The following KRT39 variants were observed in gnomAD, a reference collection of about 807,000 sequenced individuals.
The protein encoded by KRT39 is keratin, type I cytoskeletal 39.
In KRT39, 47 loss-of-function variants were observed where a neutral mutation model predicts 54.8. The ratio of observed to expected loss-of-function variants is 0.86; its 90% CI spans 0.68 to 1.09. KRT39 has a LOEUF of 1.09. Ranked by LOEUF, KRT39 falls within the 50% of genes least tolerant of loss-of-function variation. The pLI, the probability that KRT39 is intolerant of heterozygous loss-of-function variation, is 0.00. For missense variants in KRT39, 580 were observed against 598.5 expected, an observed-to-expected ratio of 0.97 and a Z score of 0.32; for synonymous variants, 207 against 227.9, an observed-to-expected ratio of 0.91 and a Z score of 0.83.
In KRT39 at chr17:40,962,415, C is replaced by G. The variant is rs1407809793; in HGVS notation, c.857G>C (p.Trp286Ser). ...TATATCCCCCACCTGCGTGTTGAAC[C>G]ACTGTTCCACATCTTTGCGGTTTGT... is the stretch of plus-strand genomic sequence containing the variant. ...METNRKDVEQ[W>S]FNTQIEELNQ... The change falls in exon 4 of 7, where the codon TGG becomes TCG. Residue 286 changes from tryptophan (W) to serine (S), a missense_variant. Physicochemically the swap from Trp to Ser is radical, Grantham distance 177. Transcript: ENST00000355612. 1 of 1,613,854 alleles carries G rather than the reference C, an allele frequency of 6.2e-7. No individual in the cohort carries two copies. The highest frequency in any genetic ancestry group is 1.3e-5 in the African/African-American group (1 of 74,904).
At chr17:40,962,362 A>G in intron 4 of KRT39, 40 bp downstream of exon 4, 2 of 1,612,298 alleles carry the variant, frequency 1.2e-6, no homozygotes, top group Non-Finnish European at 1.7e-6. Flanking sequence ...CTAGAAATGC[A>G]GCATCAGCTT....
intron 2 of KRT39, among the ~76,000 whole-genome samples, 153 bp from the exon 3 acceptor site, chr17:40,963,936 T>C (rs540261080): frequency 6.6e-6 from 1 of 152,388 alleles, no homozygotes; most frequent in South Asian, 2.1e-4. Context: ...CCATTTGATA[T>C]AGATCATAAC....
At chr17:40,966,092 T>C (rs1911382431) in intron 1 of KRT39, among the ~76,000 whole-genome samples, 1 of 149,596 alleles carries the variant, frequency 6.7e-6, no homozygotes, top group Non-Finnish European at 1.5e-5. Context: ...TGTGTGTGTG[T>C]AAGGATGGAA....
intron 5 of KRT39, among the ~76,000 whole-genome samples, chr17:40,961,907 C>T (rs1157999555): frequency 2.0e-5 from 3 of 152,238 alleles, no homozygotes; most frequent in Non-Finnish European, 4.4e-5. Context: ...TGCTGAATAC[C>T]ATATACCCCC....
rs200782041 is a variant in KRT39 at position 40,962,553 on chromosome 17, G to T, written c.719C>A (p.Ser240Tyr). 2.2e-5 allele frequency: 35 copies of T among 1,611,394 alleles called. No homozygotes were observed. The African/African-American group carries it at 3.2e-4, about 15-fold the overall frequency. Residue 240 changes from serine (S) to tyrosine (Y), a missense_variant, in exon 4 of 7, where the codon TCT becomes TAT. Coordinates refer to ENST00000355612, the MANE Select transcript of KRT39 (RefSeq NM_213656.4). The stretch of plus-strand genomic sequence containing the variant: ...TCTCTCCCCAAGCTGACACTGTAAA[G>T]AATTGATTTCCTAAGGAAAGAAAAA... ...LKNNHKEEIN[S>Y]LQCQLGERLD...
At chr17:40,966,279 A>C (rs555156378) in intron 1 of KRT39, 110 bp downstream of exon 1, 32 of 848,584 alleles carry the variant, frequency 3.8e-5, no homozygotes, top group Admixed American at 1.3e-4. Flanking sequence ...TCTATTCTTC[A>C]AAAAAATTTT....
Position 40,966,368 on chromosome 17 carries a change from A to G in KRT39, c.468+21T>C, listed in dbSNP as rs1245868978. On this transcript the variant is annotated intron_variant, in intron 1 of 6. Transcript: ENST00000355612. ...AACCATTAATTCACAACACGATTAA[A>G]CAGGTTCTTAGGAATCTTACCTTCT... 3.9e-6 allele frequency: 6 copies of G among 1,526,556 alleles called. No individual in the cohort carries two copies. In the Admixed American group the frequency reaches 6.8e-5, roughly 17 times the overall value. The allele number at this position is 1,526,556 out of a possible 1,614,324, so 94.6% of individuals were successfully genotyped here.
rs1283407559 is a variant in KRT39 at position 40,964,582 on chromosome 17, TTAAGAACCAA to T, written c.469-64_469-55del. The T allele has an allele frequency of 3.9e-6, 5 of 1,278,134 alleles. No homozygotes were observed. In the African/African-American group the frequency reaches 7.3e-5, roughly 19 times the overall value. 79.2% of individuals were successfully genotyped at this position (1,278,134 alleles called of 1,614,324 possible). A position where few individuals can be genotyped will look rare whatever the true frequency, so the allele number is the denominator to read the frequency against. On this transcript the variant is annotated intron_variant, in intron 1 of 6. Coordinates refer to ENST00000355612, the MANE Select transcript of KRT39 (RefSeq NM_213656.4). Reference sequence around the variant, plus strand: ...GAAGCAAACACCAAGATTTCCTTCTTTAAGAACCAAGGGGTTTGTGTGTGTGTCAAGTAAC... The same window carrying T: ...GAAGCAAACACCAAGATTTCCTTCTTGGGGTTTGTGTGTGTGTCAAGTAAC...
At position 40,960,458 on chromosome 17, in the gene KRT39, T is replaced by A. The variant is rs1230937752; in HGVS notation, c.1040A>T (p.Tyr347Phe). 1 of 1,614,086 alleles carries A rather than the reference T, an allele frequency of 6.2e-7. No individual in the cohort carries two copies. The highest frequency in any genetic ancestry group is 1.3e-5 in the African/African-American group (1 of 75,022). The change falls in exon 6 of 7, where the codon TAC becomes TTC. Residue 347 changes from tyrosine (Y) to phenylalanine (F), a missense_variant. Coordinates refer to ENST00000355612, the MANE Select transcript of KRT39 (RefSeq NM_213656.4). ...CTGGATCTGGGTCAGCAAGGCCGTG[T>A]AGCGAGCCTCTGTCTCCGTTAGGAT... ...ECILTETEAR[Y>F]TALLTQIQSL...
At chr17:40,964,085 C>T (rs1476353539) in intron 2 of KRT39, 7 of 428,864 alleles carry the variant, frequency 1.6e-5, no homozygotes, top group Non-Finnish European at 2.9e-5. Context: ...GCTCAGAAAA[C>T]ATGTGTCCAA....
At chr17:40,960,217 G>A (rs942468532) in intron 6 of KRT39, 64 bp downstream of exon 6, 1 of 1,426,078 alleles carries the variant, frequency 7.0e-7, no homozygotes, top group Non-Finnish European at 9.8e-7. Flanking sequence ...GTTGCCAGTG[G>A]CAGTACATAT....
At chr17:40,962,587 A>G in intron 3 of KRT39, 24 bp from the exon 4 acceptor site, 3 of 1,605,318 alleles carry the variant, frequency 1.9e-6, no homozygotes, top group Non-Finnish European at 2.6e-6. Flanking sequence ...AAGACTGTGA[A>G]GTCACTTGGT....
chr17:40,966,335 T>C, intron 1 of KRT39, 54 bp downstream of exon 1: 11 of 1,363,872 alleles, frequency 8.1e-6, no homozygotes, highest in Non-Finnish European at 9.2e-6. Flanking sequence ...AAATAACTGT[T>C]GCTTGGAAAC....
In KRT39 at chr17:40,966,710, G is replaced by A. The variant is rs1164839473; in HGVS notation, c.147C>T (p.His49=). ...LTVNNCQPAG[H]VLRIPWDQGC... is the part of the protein sequence containing the mutation. ...CCTGGTCCCAGGGAATTCTGAGAAC[G>A]TGGCCAGCTGGTTGACAGTTGTTGA... is the stretch of plus-strand genomic sequence containing the variant. The change falls in exon 1 of 7, where the codon CAC becomes CAT. Residue 49 remains histidine (H), a synonymous_variant. Transcript: ENST00000355612. 4 of 1,614,218 alleles carry A rather than the reference G, an allele frequency of 2.5e-6. No individual in the cohort carries two copies. Among genetic ancestry groups the A allele is most frequent in the Admixed American group, 1.7e-5 (1 of 60,024 alleles).
rs759836342 is a variant in KRT39, at chr17:40,966,748, C to T, written c.109G>A (p.Gly37Ser). 3.7e-6 allele frequency: 6 copies of T among 1,614,148 alleles called. No homozygotes were observed. Among genetic ancestry groups the T allele is most frequent in the Non-Finnish European group, 5.1e-6 (6 of 1,180,004 alleles). ...TGACAGTTGTTGACTGTAAGGCCAC[C>T]AGGATGGCAGCCGTTGTTAGAAGAG... ...TISSNNGCHP[G>S]GLTVNNCQPA... is the part of the protein sequence containing the mutation. The change falls in exon 1 of 7, where the codon GGT becomes AGT. Residue 37 changes from glycine to serine, a missense_variant. Coordinates refer to ENST00000355612, the MANE Select transcript of KRT39 (RefSeq NM_213656.4).
chr17:40,964,627 C>G, intron 1 of KRT39, 99 bp from the exon 2 acceptor site: 1 of 786,108 alleles, frequency 1.3e-6, no homozygotes, highest in South Asian at 1.5e-5. Context: ...CAGGGGAAGG[C>G]TAAGTAGACT....
chr17:40,963,488 C>A, intron 3 of KRT39, 139 bp downstream of exon 3: 1 of 725,408 alleles, frequency 1.4e-6, no homozygotes, highest in Non-Finnish European at 2.1e-6. Flanking sequence ...TATAAATTAC[C>A]TACTCTCAGT....
intron 6 of KRT39, 48 bp downstream of exon 6, chr17:40,960,233 C>A (rs757020764): frequency 6.5e-7 from 1 of 1,532,128 alleles, no homozygotes. Context: ...CATATATCTG[C>A]GTTCATTTAC....
chr17:40,962,370 C>T (rs762983081), intron 4 of KRT39, 32 bp downstream of exon 4: 1 of 1,612,768 alleles, frequency 6.2e-7, no homozygotes, highest in South Asian at 1.1e-5. Flanking sequence ...GCAGCATCAG[C>T]TTATTGTTTT....
Sources: gnomAD v4.1 joint callset for allele counts (sites outside exome capture counted in the v4.1 genomes callset) on GRCh38, gnomAD v4.1.1 for gene constraint, MANE v1.5 for transcripts, NCBI Gene and HGNC (gene_info 2026-07-23, HGNC 2026-07-21) for gene names.